The following HPSE2 variants were observed in gnomAD, a reference collection of about 807,000 sequenced individuals.
The protein encoded by HPSE2 is inactive heparanase-2.
HPSE2 carries 38 observed loss-of-function variants against 60.5 expected under a neutral mutation model. The observed-to-expected ratio is 0.63, with a 90% CI of 0.48 to 0.82. The LOEUF is 0.82. Ranked by LOEUF, HPSE2 falls within the 40% of genes least tolerant of loss-of-function variation. HPSE2 has a pLI of 0.00. For synonymous variants in HPSE2, 295 were observed against 293.2 expected (o/e 1.01, Z -0.06); for missense variants, 713 against 740.4 (o/e 0.96, Z 0.43).
intron 3 of HPSE2, among the ~76,000 whole-genome samples, chr10:98,793,130 A>C (rs1353430342): frequency 1.3e-5 from 2 of 152,190 alleles, no homozygotes; most frequent in Non-Finnish European, 2.9e-5. Flanking sequence ...TTGCTCTGTT[A>C]AACAGTCAAG....
chr10:99,206,592 T>C (rs1848756878), intron 2 of HPSE2, among the ~76,000 whole-genome samples: 1 of 151,174 alleles, frequency 6.6e-6, no homozygotes, highest in Admixed American at 6.6e-5. Context: ...TACAGATTTG[T>C]GAATGCATGG....
intron 3 of HPSE2, among the ~76,000 whole-genome samples, chr10:99,030,646 A>G (rs1957478845): frequency 6.6e-6 from 1 of 152,116 alleles, no homozygotes; most frequent in Non-Finnish European, 1.5e-5. Context: ...CTGGCTATAT[A>G]CCCCAAAGAA....
chr10:98,521,917 G>A (rs1166923158), intron 9 of HPSE2, among the ~76,000 whole-genome samples: 1 of 152,124 alleles, frequency 6.6e-6, no homozygotes, highest in Non-Finnish European at 1.5e-5. Context: ...CTCACTCATA[G>A]GTGGGAATTG....
At chr10:98,735,106 A>G (rs549513289) in intron 4 of HPSE2, among the ~76,000 whole-genome samples, 4 of 152,160 alleles carry the variant, frequency 2.6e-5, no homozygotes, top group African/African-American at 7.2e-5. Flanking sequence ...TTACAGTACC[A>G]TACCTCTTTT....
intron 3 of HPSE2, among the ~76,000 whole-genome samples, chr10:98,911,559 C>A (rs1373847519): frequency 1.3e-5 from 2 of 152,046 alleles, no homozygotes; most frequent in African/African-American, 4.8e-5. Context: ...AATACCACCA[C>A]ATTTGGTGCA....
At chr10:98,974,675 T>C (rs1956043598) in intron 3 of HPSE2, among the ~76,000 whole-genome samples, 1 of 152,198 alleles carries the variant, frequency 6.6e-6, no homozygotes, top group Admixed American at 6.5e-5. Flanking sequence ...AAATTCTACT[T>C]GTATGTTAGG....
At chr10:99,190,152 G>A (rs908791535) in intron 2 of HPSE2, among the ~76,000 whole-genome samples, 6 of 152,060 alleles carry the variant, frequency 3.9e-5, no homozygotes, top group Non-Finnish European at 8.8e-5. Context: ...ACTATGCATT[G>A]GGCATTGTGC....
chr10:99,012,495 G>C (rs1251266950), intron 3 of HPSE2, among the ~76,000 whole-genome samples: 1 of 151,708 alleles, frequency 6.6e-6, no homozygotes, highest in Non-Finnish European at 1.5e-5. Flanking sequence ...AGAGAATATA[G>C]GGAGAAAGTA....
intron 9 of HPSE2, among the ~76,000 whole-genome samples, chr10:98,562,581 G>C (rs1260893050): frequency 3.9e-5 from 6 of 152,074 alleles, no homozygotes; most frequent in Non-Finnish European, 7.4e-5. Context: ...CGGGCGTGGT[G>C]GTGGGCGCCT....
intron 11 of HPSE2, among the ~76,000 whole-genome samples, chr10:98,467,693 C>T (rs1940599915): frequency 1.3e-5 from 2 of 152,176 alleles, no homozygotes; most frequent in South Asian, 2.1e-4. Context: ...GGAATGCGTC[C>T]GCCTGCCTCC....
intron 3 of HPSE2, among the ~76,000 whole-genome samples, chr10:98,945,517 A>G (rs1000986917): frequency 7.9e-5 from 12 of 152,160 alleles, no homozygotes; most frequent in Non-Finnish European, 1.5e-5. Flanking sequence ...CATCAACATA[A>G]TGAAATAATA....
chr10:98,603,445 T>TG (rs948342167), intron 9 of HPSE2, among the ~76,000 whole-genome samples: 6 of 151,080 alleles, frequency 4.0e-5, no homozygotes, highest in African/African-American at 1.5e-4. Flanking sequence ...TTTTGTTTTT[T>TG]TTTTTGACAG....
intron 9 of HPSE2, among the ~76,000 whole-genome samples, chr10:98,550,750 A>G (rs1943839606): frequency 6.6e-6 from 1 of 151,992 alleles, no homozygotes; most frequent in Non-Finnish European, 1.5e-5. Flanking sequence ...CTGGAATTAC[A>G]GGTGTGAGCC....
At chr10:99,229,767 G>A (rs983836411) in intron 2 of HPSE2, among the ~76,000 whole-genome samples, 8 of 152,242 alleles carry the variant, frequency 5.3e-5, no homozygotes, top group African/African-American at 1.7e-4. Context: ...TCTGTACTAC[G>A]TCTAAGTAAA....
At chr10:99,101,174 A>G (rs755144103) in intron 3 of HPSE2, among the ~76,000 whole-genome samples, 1 of 152,228 alleles carries the variant, frequency 6.6e-6, no homozygotes, top group African/African-American at 2.4e-5. Flanking sequence ...AAATGCTCCA[A>G]TTAAAAGACA....
chr10:99,249,050 G>A, the HPSE2 span, among the ~76,000 whole-genome samples: 1 of 152,222 alleles, frequency 6.6e-6, no homozygotes, highest in Non-Finnish European at 1.5e-5. Flanking sequence ...AAGCCCTCAT[G>A]GAGAACCTCT....
chr10:98,467,009 T>C (rs990797394), intron 11 of HPSE2, among the ~76,000 whole-genome samples: 1 of 152,214 alleles, frequency 6.6e-6, no homozygotes, highest in South Asian at 2.1e-4. Context: ...TTTCATTCTT[T>C]ACGGCCATTT....
chr10:98,674,006 T>G (rs1031386687), intron 6 of HPSE2, among the ~76,000 whole-genome samples: 5 of 152,208 alleles, frequency 3.3e-5, no homozygotes, highest in Non-Finnish European at 7.3e-5. Context: ...TAGGTCCAGA[T>G]TGGGGCTCAA....
intron 3 of HPSE2, among the ~76,000 whole-genome samples, chr10:99,041,014 G>A (rs762515301): frequency 3.6e-4 from 54 of 151,952 alleles, no homozygotes; most frequent in Non-Finnish European, 6.0e-4. Context: ...ATGAACCTGG[G>A]AGGCGGAGCT....
Sources: gnomAD v4.1 joint callset for allele counts (sites outside exome capture counted in the v4.1 genomes callset) on GRCh38, gnomAD v4.1.1 for gene constraint, MANE v1.5 for transcripts, NCBI Gene and HGNC (gene_info 2026-07-23, HGNC 2026-07-21) for gene names.